Variants in MEIS2 observed in about 807,000 individuals in gnomAD.
MEIS2 encodes the protein homeobox protein Meis2.
A neutral mutation model predicts 58.6 loss-of-function variants in MEIS2; 9 were observed. That is an observed-to-expected ratio of 0.15 (90% CI 0.09 to 0.27). The LOEUF is 0.27. Ranked by LOEUF, MEIS2 falls within the 10% of genes least tolerant of loss-of-function variation. The pLI is 1.00. For missense variants in MEIS2, 427 were observed against 635.0 expected, an observed-to-expected ratio of 0.67 and a Z score of 3.52; for synonymous variants, 221 against 228.4, an observed-to-expected ratio of 0.97 and a Z score of 0.29.
At chr15:36,956,069 C>T (rs1008451157) in intron 8 of MEIS2, among the ~76,000 whole-genome samples, 9 of 141,858 alleles carry the variant, frequency 6.3e-5, no homozygotes, top group Non-Finnish European at 1.1e-4. Context: ...TGGTGGCGGG[C>T]GCCTGTAGTC....
At chr15:36,959,749 T>C (rs1229516455) in intron 8 of MEIS2, among the ~76,000 whole-genome samples, 1 of 152,186 alleles carries the variant, frequency 6.6e-6, no homozygotes, top group Non-Finnish European at 1.5e-5. Context: ...ATGGTGACAA[T>C]GACACACTAT....
intron 8 of MEIS2, among the ~76,000 whole-genome samples, chr15:36,975,468 G>GT (rs1567131543): frequency 4.8e-5 from 2 of 41,348 alleles, no homozygotes; most frequent in Admixed American, 2.9e-4. Context: ...AAAAAATAAG[G>GT]GTTTTTTTTT....
At chr15:36,964,493 G>A in intron 8 of MEIS2, among the ~76,000 whole-genome samples, 1 of 152,052 alleles carries the variant, frequency 6.6e-6, no homozygotes, top group East Asian at 1.9e-4. Context: ...ACAAGGGGAG[G>A]GAAAAATTCT....
chr15:36,939,729 T>C (rs79393911), intron 9 of MEIS2, among the ~76,000 whole-genome samples: 181 of 152,342 alleles, frequency 1.2e-3, no homozygotes, highest in Non-Finnish European at 2.1e-3. Context: ...TTAAAAGTAT[T>C]ATTTAAAATT....
intron 9 of MEIS2, among the ~76,000 whole-genome samples, chr15:36,947,070 T>C (rs1197596641): frequency 2.0e-5 from 3 of 152,004 alleles, no homozygotes; most frequent in African/African-American, 4.8e-5. Context: ...AGAAAGTGAG[T>C]CTTATCACTT....
intron 8 of MEIS2, among the ~76,000 whole-genome samples, chr15:37,035,875 C>T (rs2062129361): frequency 6.6e-6 from 1 of 152,192 alleles, no homozygotes; most frequent in South Asian, 2.1e-4. Flanking sequence ...TGGCAACACA[C>T]AAGTTGGATA....
intron 8 of MEIS2, among the ~76,000 whole-genome samples, chr15:37,032,435 A>C (rs1368194264): frequency 2.6e-5 from 4 of 152,184 alleles, no homozygotes; most frequent in African/African-American, 4.8e-5. Flanking sequence ...TTTATCTTTG[A>C]AGTCAAATAA....
chr15:37,022,498 C>T (rs549118326), intron 8 of MEIS2, among the ~76,000 whole-genome samples: 1 of 152,304 alleles, frequency 6.6e-6, no homozygotes, highest in Admixed American at 6.5e-5. Context: ...ATCCTCCCAC[C>T]TCTGTCTCCC....
chr15:37,083,499 A>T (rs1459198420), intron 7 of MEIS2, among the ~76,000 whole-genome samples: 1 of 152,240 alleles, frequency 6.6e-6, no homozygotes, highest in African/African-American at 2.4e-5. Context: ...ACACAGAAAT[A>T]AAGTGTAGAT....
At chr15:36,941,676 T>A (rs1482013914) in intron 9 of MEIS2, among the ~76,000 whole-genome samples, 2 of 152,204 alleles carry the variant, frequency 1.3e-5, no homozygotes, top group East Asian at 3.8e-4. Flanking sequence ...GGTAAAAGTA[T>A]ACAAACATCT....
intron 7 of MEIS2, among the ~76,000 whole-genome samples, chr15:37,077,576 A>G (rs1006173308): frequency 6.6e-6 from 1 of 152,050 alleles, no homozygotes; most frequent in African/African-American, 2.4e-5. Flanking sequence ...AGACTGACCC[A>G]ATTAATATGA....
chr15:36,898,921 A>G (rs763953686), intron 9 of MEIS2, among the ~76,000 whole-genome samples: 1 of 152,220 alleles, frequency 6.6e-6, no homozygotes, highest in Non-Finnish European at 1.5e-5. Flanking sequence ...CCAGTATAAC[A>G]TTTTCAACTA....
At position 36,919,773 on chromosome 15, in the gene MEIS2, T is replaced by G. The variant is rs1595723872; in HGVS notation, c.978-23087A>C. Among the ~76,000 whole-genome samples, 4 of 152,324 alleles carry G rather than the reference T, an allele frequency of 2.6e-5. No homozygotes were observed. In the South Asian group the frequency reaches 8.3e-4, roughly 32 times the overall value. ...TTGGTATTTTATCTACAATGACCCA[T>G]TATTAGAATGTAGATGAAATAGAGC... On this transcript the variant is annotated intron_variant, in intron 9 of 11. Coordinates refer to ENST00000561208, the MANE Select transcript of MEIS2 (RefSeq NM_170675.5).
intron 8 of MEIS2, among the ~76,000 whole-genome samples, chr15:37,022,890 C>T (rs1169489337): frequency 6.6e-6 from 1 of 150,938 alleles, no homozygotes; most frequent in African/African-American, 2.4e-5. Context: ...CTCTTGACCT[C>T]GTGATACACC....
intron 7 of MEIS2, among the ~76,000 whole-genome samples, chr15:37,054,722 T>C (rs1000955510): frequency 6.6e-6 from 1 of 152,196 alleles, no homozygotes; most frequent in Non-Finnish European, 1.5e-5. Flanking sequence ...CCAGCATAAC[T>C]TTGTGTGTTT....
chr15:37,017,116 T>C (rs1192311453), intron 8 of MEIS2, among the ~76,000 whole-genome samples: 1 of 152,156 alleles, frequency 6.6e-6, no homozygotes, highest in Non-Finnish European at 1.5e-5. Flanking sequence ...AATCTCTTTG[T>C]AATAAGGATT....
intron 8 of MEIS2, among the ~76,000 whole-genome samples, chr15:37,027,258 TC>T (rs909246532): frequency 6.6e-6 from 1 of 151,996 alleles, no homozygotes; most frequent in African/African-American, 2.4e-5. Flanking sequence ...TTTCCAGGAG[TC>T]CTCTGAAATC....
intron 8 of MEIS2, among the ~76,000 whole-genome samples, chr15:36,956,309 A>T (rs2058973072): frequency 6.6e-6 from 1 of 152,142 alleles, no homozygotes; most frequent in African/African-American, 2.4e-5. Flanking sequence ...ATCAGGTCAT[A>T]TAAATTGGCT....
At chr15:37,073,628 G>A (rs1335724313) in intron 7 of MEIS2, among the ~76,000 whole-genome samples, 1 of 152,054 alleles carries the variant, frequency 6.6e-6, no homozygotes, top group African/African-American at 2.4e-5. Flanking sequence ...GTCAGAAAAG[G>A]ACATCCATGA....
Sources: gnomAD v4.1 joint callset for allele counts (sites outside exome capture counted in the v4.1 genomes callset) on GRCh38, gnomAD v4.1.1 for gene constraint, MANE v1.5 for transcripts, NCBI Gene and HGNC (gene_info 2026-07-23, HGNC 2026-07-21) for gene names.